The following TIMP2 variants were observed in gnomAD, a reference collection of about 807,000 sequenced individuals.
TIMP2 encodes TIMP metallopeptidase inhibitor 2.
In TIMP2, 5 loss-of-function variants were observed where a neutral mutation model predicts 24.3. The observed-to-expected ratio is 0.21, with a 90% confidence interval of 0.11 to 0.43. TIMP2 has a LOEUF of 0.43. Ranked by LOEUF, TIMP2 falls within the 20% of genes least tolerant of loss-of-function variation. The probability of loss-of-function intolerance (pLI) is 1.00; values close to 1 mark genes in which losing one functional copy is unlikely to be tolerated. For synonymous variants in TIMP2, 130 were observed against 123.2 expected (o/e 1.06, Z -0.37); for missense variants, 221 against 297.5 (o/e 0.74, Z 1.89).
At chr17:78,918,065 AACACACACACAC>A (rs57256110) in intron 1 of TIMP2, among the ~76,000 whole-genome samples, 4 of 144,812 alleles carry the variant, frequency 2.8e-5, no homozygotes, top group South Asian at 2.2e-4. Flanking sequence ...TGCACACACA[AACACACACACAC>A]ACACACACAC....
At chr17:78,876,866 C>T (rs1405100370) in intron 1 of TIMP2, among the ~76,000 whole-genome samples, 4 of 151,736 alleles carry the variant, frequency 2.6e-5, no homozygotes, top group Admixed American at 2.0e-4. Flanking sequence ...GCCATCTCCC[C>T]TCTCTGCCTG....
chr17:78,909,975 G>A (rs908734707), intron 1 of TIMP2, among the ~76,000 whole-genome samples: 2 of 152,070 alleles, frequency 1.3e-5, no homozygotes, highest in Non-Finnish European at 2.9e-5. Flanking sequence ...CACACCTGCC[G>A]TCCTTATGTG....
intron 1 of TIMP2, among the ~76,000 whole-genome samples, chr17:78,886,570 C>A (rs2069827161): frequency 1.3e-5 from 2 of 152,188 alleles, no homozygotes; most frequent in Non-Finnish European, 2.9e-5. Context: ...CCCGAGAAAT[C>A]TATGTGGCTT....
chr17:78,909,165 T>C (rs1486039431), intron 1 of TIMP2, among the ~76,000 whole-genome samples: 2 of 152,022 alleles, frequency 1.3e-5, no homozygotes, highest in Admixed American at 6.6e-5. Context: ...CTGGGCAACA[T>C]AGCAAGATCT....
intron 3 of TIMP2, among the ~76,000 whole-genome samples, chr17:78,868,154 T>C (rs985371065): frequency 1.3e-5 from 2 of 152,162 alleles, no homozygotes; most frequent in Admixed American, 1.3e-4. Context: ...CCCCCAATCA[T>C]GGATATTTGG....
intron 1 of TIMP2, among the ~76,000 whole-genome samples, chr17:78,905,626 C>CA (rs1197852635): frequency 2.6e-5 from 4 of 152,356 alleles, no homozygotes; most frequent in Admixed American, 1.3e-4. Flanking sequence ...GCACGACTGC[C>CA]AAGTGCTCGT....
At chr17:78,913,836 G>A (rs944597166) in intron 1 of TIMP2, among the ~76,000 whole-genome samples, 8 of 140,042 alleles carry the variant, frequency 5.7e-5, no homozygotes, top group Admixed American at 1.6e-4. Context: ...AGGTTGCAGC[G>A]AACCAAGATT....
intron 3 of TIMP2, 81 bp from the exon 4 acceptor site, chr17:78,857,727 C>A (rs1051239536): frequency 6.3e-7 from 1 of 1,579,038 alleles, no homozygotes; most frequent in Admixed American, 1.7e-5. Context: ...GGCGCAGGGG[C>A]GCTGGGATTT....
At position 78,905,661 on chromosome 17, in the gene TIMP2, T is replaced by A. The variant is rs1275923926; in HGVS notation, c.130+19298A>T. Among the ~76,000 whole-genome samples, 4 of 152,192 alleles carry A rather than the reference T, an allele frequency of 2.6e-5. No individual in the cohort carries two copies. The South Asian group carries it at 6.2e-4, about 24-fold the overall frequency. ...TCAGGTCTTTTCTGGACTGAGGACA[T>A]CTCTCTCAAGCCTGGGCTCTCCTGA... On this transcript the variant is annotated intron_variant, in intron 1 of 4. Coordinates refer to ENST00000262768, the MANE Select transcript of TIMP2 (RefSeq NM_003255.5).
rs1395776496 is a variant in TIMP2, at chr17:78,877,536, G to C, written c.131-3617C>G. 2.1e-5 allele frequency among the ~76,000 whole-genome samples: 3 copies of C among 143,490 alleles called. No homozygotes were observed. The East Asian group carries it at 6.5e-4, about 31-fold the overall frequency. 94.1% of individuals were successfully genotyped at this position (143,490 alleles called of 152,430 possible). A position where few individuals can be genotyped will look rare whatever the true frequency, so the allele number is the denominator to read the frequency against. On this transcript the variant is annotated intron_variant, in intron 1 of 4. Coordinates refer to ENST00000262768, the MANE Select transcript of TIMP2 (RefSeq NM_003255.5). Reference sequence around the variant, plus strand: ...TGCACTCCAGCCTGGGCAACAGAGTGAGACTCCGTCTTTTAAAAAAAGAAA... The same window carrying C: ...TGCACTCCAGCCTGGGCAACAGAGTCAGACTCCGTCTTTTAAAAAAAGAAA...
intron 1 of TIMP2, among the ~76,000 whole-genome samples, chr17:78,907,007 C>T (rs962176940): frequency 6.6e-6 from 1 of 152,158 alleles, no homozygotes. Context: ...GCTTTCAACA[C>T]GCCTTCCTCA....
intron 1 of TIMP2, among the ~76,000 whole-genome samples, chr17:78,883,896 C>T (rs1033619024): frequency 6.6e-6 from 1 of 152,262 alleles, no homozygotes; most frequent in Non-Finnish European, 1.5e-5. Context: ...CCTCCCTTTC[C>T]CTGGTGGGCC....
rs2069886672 is a variant in TIMP2 at position 78,891,199 on chromosome 17, A to G, written c.131-17280T>C. ...TAAACGTGGGCTTGACCGTGCCCTGATATTTTTGGTTCTGGGCCTTGCCCA... is the reference window on the plus strand; with the variant it reads ...TAAACGTGGGCTTGACCGTGCCCTGGTATTTTTGGTTCTGGGCCTTGCCCA... On this transcript the variant is annotated intron_variant, in intron 1 of 4. Transcript: ENST00000262768. This position sits in a 1 kb window ranked among gnomAD's most constrained non-coding sequence, Gnocchi z 4.5. 2 of 1,550,396 alleles carry G rather than the reference A, an allele frequency of 1.3e-6. No homozygotes were observed. Among genetic ancestry groups the G allele is most frequent in the Non-Finnish European group, 1.7e-6 (2 of 1,147,000 alleles).
At chr17:78,875,737 C>G (rs546409841) in intron 1 of TIMP2, among the ~76,000 whole-genome samples, 1 of 152,296 alleles carries the variant, frequency 6.6e-6, no homozygotes, top group Admixed American at 6.5e-5. Flanking sequence ...AGCCCCACCC[C>G]ACGTGGTCGG....
At chr17:78,873,968 C>T in intron 1 of TIMP2, 49 bp from the exon 2 acceptor site, 1 of 1,567,870 alleles carries the variant, frequency 6.4e-7, no homozygotes, top group Non-Finnish European at 8.7e-7. Context: ...AAACACGCTC[C>T]TGGGGCTAAG....
At chr17:78,875,407 T>C (rs1200230499) in intron 1 of TIMP2, among the ~76,000 whole-genome samples, 1 of 151,986 alleles carries the variant, frequency 6.6e-6, no homozygotes, top group African/African-American at 2.4e-5. Context: ...GAGCCTGAGG[T>C]TGCTGACAGG....
intron 2 of TIMP2, among the ~76,000 whole-genome samples, chr17:78,872,935 TCTC>T (rs1775981303): frequency 6.6e-6 from 1 of 151,948 alleles, no homozygotes; most frequent in South Asian, 2.1e-4. Context: ...GTTTAAGTGT[TCTC>T]CTGCCTCAGC....
chr17:78,914,216 G>A (rs149784935), intron 1 of TIMP2, among the ~76,000 whole-genome samples: 19 of 152,210 alleles, frequency 1.2e-4, no homozygotes, highest in Non-Finnish European at 2.5e-4. Context: ...ATTGCTTCTT[G>A]AGAACATTAT....
At chr17:78,903,761 C>A (rs1216617681) in intron 1 of TIMP2, among the ~76,000 whole-genome samples, 1 of 151,980 alleles carries the variant, frequency 6.6e-6, no homozygotes, top group Middle Eastern at 3.2e-3. Flanking sequence ...GGGAAGCTGG[C>A]AGGGCGAGGC....
Sources: gnomAD v4.1 joint callset for allele counts (sites outside exome capture counted in the v4.1 genomes callset) on GRCh38, gnomAD v4.1.1 for gene constraint, Gnocchi (gnomAD v3.1) non-coding constraint, MANE v1.5 for transcripts, NCBI Gene and HGNC (gene_info 2026-07-23, HGNC 2026-07-21) for gene names.